GREB1L: variants seen among roughly 807,000 people sequenced by gnomAD.
The protein encoded by GREB1L is GREB1 like retinoic acid receptor coactivator.
GREB1L carries 17 observed loss-of-function variants against 200.8 expected under a neutral mutation model. The observed-to-expected ratio is 0.08, with a 90% CI of 0.06 to 0.13. The LOEUF (loss-of-function observed/expected upper bound fraction) is 0.13. Among genes scored for constraint, GREB1L ranks in the 10% least tolerant of loss-of-function variants. The probability of loss-of-function intolerance (pLI) is 1.00; values close to 1 mark genes in which losing one functional copy is unlikely to be tolerated. For missense variants in GREB1L, 1,657 were observed against 2,367.7 expected, an observed-to-expected ratio of 0.70 and a Z score of 6.23; for synonymous variants, 789 against 893.0, an observed-to-expected ratio of 0.88 and a Z score of 2.08.
At chr18:21,410,263 G>A (rs1567987041) in intron 7 of GREB1L, among the ~76,000 whole-genome samples, 1 of 151,990 alleles carries the variant, frequency 6.6e-6, no homozygotes, top group Admixed American at 6.6e-5. Context: ...ATTTTCTTGG[G>A]CCCTAGATAT....
intron 1 of GREB1L, among the ~76,000 whole-genome samples, chr18:21,364,285 C>T (rs2039625145): frequency 6.6e-6 from 1 of 151,422 alleles, no homozygotes; most frequent in Admixed American, 6.6e-5. Context: ...GCTCTTTGGT[C>T]AAAAAAAGAA....
At chr18:21,403,847 CA>C in intron 6 of GREB1L, 24 bp from the exon 7 acceptor site, 2 of 1,545,966 alleles carry the variant, frequency 1.3e-6, no homozygotes, top group East Asian at 4.9e-5. Context: ...TCACTTCATA[CA>C]ATGTGATTTT....
chr18:21,489,381 T>C (rs1219430089), intron 18 of GREB1L, among the ~76,000 whole-genome samples: 2 of 152,190 alleles, frequency 1.3e-5, no homozygotes, highest in African/African-American at 4.8e-5. Context: ...TATGGAAAGA[T>C]AGAAATTGCT....
chr18:21,261,688 A>G (rs919183300), intron 1 of GREB1L, among the ~76,000 whole-genome samples: 1 of 152,088 alleles, frequency 6.6e-6, no homozygotes, highest in Non-Finnish European at 1.5e-5. Flanking sequence ...CTGCATTGAC[A>G]TTTCCAAAGT....
At chr18:21,366,598 A>G (rs1453835496) in intron 2 of GREB1L, among the ~76,000 whole-genome samples, 1 of 151,060 alleles carries the variant, frequency 6.6e-6, no homozygotes, top group Non-Finnish European at 1.5e-5. Flanking sequence ...TTAATTTAGA[A>G]AAGGAAAAAG....
chr18:21,385,853 A>T (rs2040517275), intron 4 of GREB1L, among the ~76,000 whole-genome samples: 2 of 152,212 alleles, frequency 1.3e-5, no homozygotes, highest in Non-Finnish European at 2.9e-5. Flanking sequence ...ATCTAATTTT[A>T]TACCAAAACA....
intron 4 of GREB1L, among the ~76,000 whole-genome samples, chr18:21,384,647 C>T (rs1015134856): frequency 6.6e-6 from 1 of 152,062 alleles, no homozygotes; most frequent in Non-Finnish European, 1.5e-5. Context: ...TGTTGACTTC[C>T]CTGAGATGGT....
chr18:21,286,717 G>C (rs1476338333), intron 1 of GREB1L, among the ~76,000 whole-genome samples: 1 of 152,112 alleles, frequency 6.6e-6, no homozygotes, highest in Non-Finnish European at 1.5e-5. Flanking sequence ...ACCCAGGCTG[G>C]AGTGCAGTGA....
At chr18:21,285,715 A>T (rs918090843) in intron 1 of GREB1L, among the ~76,000 whole-genome samples, 3 of 152,220 alleles carry the variant, frequency 2.0e-5, no homozygotes, top group African/African-American at 7.2e-5. Flanking sequence ...GTGAATGAAA[A>T]CCTGAAAGGT....
intron 1 of GREB1L, among the ~76,000 whole-genome samples, chr18:21,338,634 C>T (rs2039223202): frequency 2.0e-5 from 3 of 152,258 alleles, no homozygotes. Context: ...TTGTCTTCAT[C>T]CACAGCTATG....
At chr18:21,413,129 C>T (rs1478303661) in intron 7 of GREB1L, among the ~76,000 whole-genome samples, 1 of 152,154 alleles carries the variant, frequency 6.6e-6, no homozygotes, top group African/African-American at 2.4e-5. Flanking sequence ...GCCTCCTTTC[C>T]TTTGCCTTCC....
intron 1 of GREB1L, among the ~76,000 whole-genome samples, chr18:21,331,330 T>C (rs2039104223): frequency 1.3e-5 from 2 of 152,196 alleles, no homozygotes; most frequent in Non-Finnish European, 2.9e-5. Flanking sequence ...GAAGAACAGA[T>C]GATGGATAAA....
At chr18:21,349,252 G>T (rs911889434) in intron 1 of GREB1L, among the ~76,000 whole-genome samples, 3 of 151,736 alleles carry the variant, frequency 2.0e-5, no homozygotes, top group African/African-American at 7.3e-5. Flanking sequence ...ACTTCCATTG[G>T]CTTTTTCCTG....
At chr18:21,501,323 G>A (rs1481778511) in intron 23 of GREB1L, among the ~76,000 whole-genome samples, 1 of 151,542 alleles carries the variant, frequency 6.6e-6, no homozygotes, top group African/African-American at 2.4e-5. Context: ...GTATACGTGT[G>A]CCATGGTGGT....
At chr18:21,514,117 AC>A (rs2037334541) in intron 28 of GREB1L, 131 bp downstream of exon 28, 3 of 772,380 alleles carry the variant, frequency 3.9e-6, no homozygotes, top group Admixed American at 3.0e-5. Flanking sequence ...CCATGAGACC[AC>A]CCTCACTAGA....
intron 1 of GREB1L, among the ~76,000 whole-genome samples, chr18:21,247,021 G>T (rs2037615132): frequency 6.6e-6 from 1 of 152,204 alleles, no homozygotes; most frequent in African/African-American, 2.4e-5. Flanking sequence ...GAGTTCTGGA[G>T]TTCCAGCATC....
chr18:21,326,633 T>C (rs2039026762), intron 1 of GREB1L, among the ~76,000 whole-genome samples: 1 of 152,264 alleles, frequency 6.6e-6, no homozygotes, highest in South Asian at 2.1e-4. Context: ...TAATTTTGTT[T>C]ACATTTGTAA....
At chr18:21,301,223 G>A (rs1429372284) in intron 1 of GREB1L, among the ~76,000 whole-genome samples, 2 of 152,176 alleles carry the variant, frequency 1.3e-5, no homozygotes, top group Non-Finnish European at 2.9e-5. Context: ...TTATCTATGT[G>A]CATTGTTAGA....
At chr18:21,478,264 C>T (rs1568043341) in intron 17 of GREB1L, among the ~76,000 whole-genome samples, 1 of 152,050 alleles carries the variant, frequency 6.6e-6, no homozygotes, top group African/African-American at 2.4e-5. Flanking sequence ...TTGGATATAT[C>T]CAGGGATTTA....
Sources: gnomAD v4.1 joint callset for allele counts (sites outside exome capture counted in the v4.1 genomes callset) on GRCh38, gnomAD v4.1.1 for gene constraint, MANE v1.5 for transcripts, NCBI Gene and HGNC (gene_info 2026-07-23, HGNC 2026-07-21) for gene names.